Variants in TMEM150B observed in about 807,000 individuals in gnomAD.
TMEM150B encodes the protein transmembrane protein 150B.
A neutral mutation model predicts 25.2 loss-of-function variants in TMEM150B; 33 were observed. The observed-to-expected ratio is 1.31, with a 90% confidence interval of 0.99 to 1.75. The LOEUF (loss-of-function observed/expected upper bound fraction) is 1.75. Among genes scored for constraint, TMEM150B ranks in the 40% most tolerant of loss-of-function variants. The pLI is 0.00. For missense variants in TMEM150B, 322 were observed against 306.1 expected (o/e 1.05, Z -0.39); for synonymous variants, 133 against 134.8 (o/e 0.99, Z 0.09).
At chr19:55,309,768 A>G (rs1271272614), downstream of TMEM150B, among the ~76,000 whole-genome samples, 2 of 152,238 alleles carry the variant, frequency 1.3e-5, no homozygotes, top group East Asian at 3.8e-4. Flanking sequence ...GCACTCGCCC[A>G]AGCAACCAGA....
intron 7 of TMEM150B, among the ~76,000 whole-genome samples, chr19:55,315,070 C>T (rs780230241): frequency 3.3e-5 from 5 of 152,174 alleles, no homozygotes; most frequent in Non-Finnish European, 7.3e-5. Context: ...AATCCCAGCA[C>T]TTTGGGAGGC....
downstream of TMEM150B, chr19:55,312,660 G>C: frequency 1.7e-6 from 1 of 575,210 alleles, no homozygotes; most frequent in Non-Finnish European, 2.9e-6. Flanking sequence ...CGAAGGCGGG[G>C]ACGGGGATGC....
intron 2 of TMEM150B, 83 bp from the exon 3 acceptor site, chr19:55,321,176 A>C: frequency 6.9e-7 from 1 of 1,452,626 alleles, no homozygotes; most frequent in South Asian, 1.5e-5. Context: ...CTCAGGCAGA[A>C]GTCACCTGTA....
chr19:55,311,786 G>A (rs538549172), downstream of TMEM150B: 1 of 986,234 alleles, frequency 1.0e-6, no homozygotes. Context: ...CCTTATCAGG[G>A]ATTGGAGCTA....
intron 7 of TMEM150B, among the ~76,000 whole-genome samples, chr19:55,314,100 C>T (rs1239080365): frequency 6.6e-6 from 1 of 152,178 alleles, no homozygotes; most frequent in African/African-American, 2.4e-5. Context: ...CGGCTCACTG[C>T]AACCTCTGCC....
chr19:55,324,938 A>T, intron 1 of TMEM150B: 1 of 940,456 alleles, frequency 1.1e-6, no homozygotes, highest in Non-Finnish European at 1.3e-6. Context: ...GAGGGAGCCC[A>T]GGGGAGGGAG....
chr19:55,312,702 CGCCGGCACACAGG>C, downstream of TMEM150B: 1 of 706,356 alleles, frequency 1.4e-6, no homozygotes. Flanking sequence ...AGGCCCTCCG[CGCCGGCACACAGG>C]TCCTCCGGCT....
At chr19:55,311,477 C>G (rs1717707193), downstream of TMEM150B, among the ~76,000 whole-genome samples, 1 of 152,166 alleles carries the variant, frequency 6.6e-6, no homozygotes, top group African/African-American at 2.4e-5. Flanking sequence ...AGTAGGCTCC[C>G]TTGAGCCCAG....
downstream of TMEM150B, among the ~76,000 whole-genome samples, chr19:55,311,701 A>G (rs532618111): frequency 1.3e-5 from 2 of 152,210 alleles, no homozygotes; most frequent in South Asian, 4.1e-4. Flanking sequence ...CCCCCGTCCT[A>G]GGGGAGTCAG....
chr19:55,309,802 G>A (rs915700584), downstream of TMEM150B, among the ~76,000 whole-genome samples: 13 of 152,360 alleles, frequency 8.5e-5, no homozygotes, highest in East Asian at 1.3e-3. Context: ...CTCAAGGGAA[G>A]AGAGCGCCTG....
intron 3 of TMEM150B, 88 bp downstream of exon 3, chr19:55,320,881 C>A: frequency 1.3e-6 from 2 of 1,496,662 alleles, no homozygotes; most frequent in East Asian, 4.7e-5. Flanking sequence ...TCCAGGCCCC[C>A]AACCCCTTCC....
intron 1 of TMEM150B, among the ~76,000 whole-genome samples, chr19:55,324,580 G>A (rs755760720): frequency 4.9e-4 from 75 of 152,174 alleles, no homozygotes; most frequent in Middle Eastern, 6.8e-3. Context: ...CCCAGGAGGC[G>A]GAGGTTGCAG....
chr19:55,313,116 T>A, intron 7 of TMEM150B, 61 bp from the exon 8 acceptor site: 1 of 1,511,698 alleles, frequency 6.6e-7, no homozygotes, highest in Non-Finnish European at 8.9e-7. Context: ...GCCTGGTCTC[T>A]GTGCCGCCTC....
At chr19:55,319,844 TCG>T in intron 6 of TMEM150B, 193 bp downstream of exon 6, 1 of 1,417,340 alleles carries the variant, frequency 7.1e-7, no homozygotes, top group African/African-American at 1.4e-5. Context: ...ACAAACAGCC[TCG>T]CTCGTAGTGC....
chr19:55,312,533 C>CAAAAAAAAAAAAAAAAAA (rs372052269), downstream of TMEM150B: 23 of 25,718 alleles, frequency 8.9e-4, no homozygotes, highest in East Asian at 4.0e-3. Context: ...CCGCCGGCGG[C>CAAAAAAAAAAAAAAAAAA]AAAAAAAAAA....
downstream of TMEM150B, among the ~76,000 whole-genome samples, chr19:55,311,128 A>C: frequency 6.6e-6 from 1 of 151,916 alleles, no homozygotes; most frequent in East Asian, 1.9e-4. Flanking sequence ...CACCCGGCTA[A>C]TTTTTGTATT....
intron 2 of TMEM150B, among the ~76,000 whole-genome samples, chr19:55,322,235 C>G (rs990490140): frequency 2.0e-5 from 3 of 152,102 alleles, no homozygotes; most frequent in Non-Finnish European, 4.4e-5. Context: ...CGGAGTCCCT[C>G]CTGCCTCTGA....
downstream of TMEM150B, chr19:55,312,730 G>T: frequency 9.3e-7 from 1 of 1,080,902 alleles, no homozygotes; most frequent in Non-Finnish European, 1.3e-6. Flanking sequence ...CCGGCTCCAG[G>T]TCAGTCAGCG....
intron 1 of TMEM150B, among the ~76,000 whole-genome samples, chr19:55,324,428 T>C (rs556564204): frequency 6.6e-6 from 1 of 151,548 alleles, no homozygotes; most frequent in African/African-American, 2.4e-5. Context: ...GGTGGGCAGA[T>C]CATGAGATCA....
Sources: gnomAD v4.1 joint callset for allele counts (sites outside exome capture counted in the v4.1 genomes callset) on GRCh38, gnomAD v4.1.1 for gene constraint, MANE v1.5 for transcripts, NCBI Gene and HGNC (gene_info 2026-07-23, HGNC 2026-07-21) for gene names.